The following GPATCH2 variants were observed in gnomAD, a reference collection of about 807,000 sequenced individuals.
The protein encoded by GPATCH2 is G-patch domain containing 2.
GPATCH2 carries 51 observed loss-of-function variants against 58.0 expected under a neutral mutation model. That is an observed-to-expected ratio of 0.88 (90% CI 0.70 to 1.11). GPATCH2 has a LOEUF of 1.11. Ranked by LOEUF, GPATCH2 falls within the 50% of genes most tolerant of loss-of-function variation. GPATCH2 has a pLI of 0.00. For missense variants in GPATCH2, 625 were observed against 652.2 expected (o/e 0.96, Z 0.45); for synonymous variants, 222 against 218.5 (o/e 1.02, Z -0.14).
intron 9 of GPATCH2, among the ~76,000 whole-genome samples, chr1:217,445,917 A>C (rs888486853): frequency 6.6e-6 from 1 of 152,168 alleles, no homozygotes; most frequent in African/African-American, 2.4e-5. Context: ...TTAATTTCAT[A>C]GGAGGCTTTA....
chr1:217,456,282 A>G (rs971841321), intron 8 of GPATCH2, among the ~76,000 whole-genome samples: 1 of 152,162 alleles, frequency 6.6e-6, no homozygotes, highest in African/African-American at 2.4e-5. Context: ...CTGTGGGGCC[A>G]GAGCCCCAAA....
intron 5 of GPATCH2, among the ~76,000 whole-genome samples, chr1:217,582,486 A>G (rs1667122125): frequency 6.6e-6 from 1 of 152,124 alleles, no homozygotes; most frequent in African/African-American, 2.4e-5. Flanking sequence ...AAATAATATC[A>G]TATTATAAAA....
At chr1:217,570,343 C>A (rs1666474125) in intron 5 of GPATCH2, among the ~76,000 whole-genome samples, 1 of 152,040 alleles carries the variant, frequency 6.6e-6, no homozygotes, top group Admixed American at 6.6e-5. Context: ...GAATTCCTGA[C>A]CGCAAGTGAT....
At chr1:217,488,875 T>G (rs1366923602) in intron 8 of GPATCH2, among the ~76,000 whole-genome samples, 1 of 149,228 alleles carries the variant, frequency 6.7e-6, no homozygotes, top group Non-Finnish European at 1.5e-5. Context: ...TTTTTTTTTT[T>G]GTAGAGACAG....
chr1:217,600,339 G>C (rs1386271258), intron 5 of GPATCH2, among the ~76,000 whole-genome samples: 4 of 152,050 alleles, frequency 2.6e-5, no homozygotes, highest in Non-Finnish European at 5.9e-5. Context: ...CAAATAACTG[G>C]TTGGCATCCT....
intron 8 of GPATCH2, among the ~76,000 whole-genome samples, chr1:217,460,124 C>A (rs1330632808): frequency 6.6e-6 from 1 of 152,052 alleles, no homozygotes; most frequent in Non-Finnish European, 1.5e-5. Flanking sequence ...AGGTATTATG[C>A]CAGTAATTTT....
In GPATCH2 at chr1:217,609,689, T is replaced by C. The variant is rs1172137247; in HGVS notation, c.1098+632A>G. 6 of 970,244 alleles carry C rather than the reference T, an allele frequency of 6.2e-6. No homozygotes were observed. The African/African-American group carries it at 8.8e-5, about 14-fold the overall frequency. 60.1% of individuals were successfully genotyped at this position (970,244 alleles called of 1,614,324 possible). ...CAAATATTTTAAATAATGCTGGTTATATAAGACTTCTCTAAAAATGAACCA... is the reference window on the plus strand; with the variant it reads ...CAAATATTTTAAATAATGCTGGTTACATAAGACTTCTCTAAAAATGAACCA... On this transcript the variant is annotated intron_variant, in intron 5 of 9. Transcript: ENST00000366935.
chr1:217,451,111 G>A (rs115795140), intron 8 of GPATCH2, among the ~76,000 whole-genome samples: 2,459 of 152,200 alleles, frequency 0.016, 75 homozygotes, highest in African/African-American at 0.056. Context: ...GAAATCATTA[G>A]GTACAGTGGT....
chr1:217,508,009 A>C (rs889357153), intron 6 of GPATCH2, among the ~76,000 whole-genome samples: 2 of 152,142 alleles, frequency 1.3e-5, no homozygotes, highest in East Asian at 3.8e-4. Flanking sequence ...CATTATCATC[A>C]TTTTGAAATG....
chr1:217,596,759 C>T (rs1179999330), intron 5 of GPATCH2, among the ~76,000 whole-genome samples: 1 of 152,100 alleles, frequency 6.6e-6, no homozygotes, highest in African/African-American at 2.4e-5. Flanking sequence ...GTCACAGAAG[C>T]TCTATTTGTA....
chr1:217,509,073 C>T (rs551894045), intron 6 of GPATCH2, among the ~76,000 whole-genome samples: 59 of 152,182 alleles, frequency 3.9e-4, no homozygotes, highest in Non-Finnish European at 7.2e-4. Flanking sequence ...GGAGTGGTGG[C>T]GCACGCCCAT....
At chr1:217,612,539 T>A (rs949277749) in intron 3 of GPATCH2, among the ~76,000 whole-genome samples, 21 of 152,074 alleles carry the variant, frequency 1.4e-4, no homozygotes, top group Non-Finnish European at 2.6e-4. Flanking sequence ...ATTAAAAAAA[T>A]TTTTCAAAAC....
At chr1:217,511,566 G>A (rs1048360984) in intron 6 of GPATCH2, among the ~76,000 whole-genome samples, 7 of 152,254 alleles carry the variant, frequency 4.6e-5, no homozygotes, top group Admixed American at 4.6e-4. Context: ...TGAAAGAAGG[G>A]TAACAGGCAG....
rs1467556007 is a variant in GPATCH2 at position 217,427,478 on chromosome 1, A to G, written c.*3667T>C. Reference sequence around the variant, plus strand: ...CTTTCAACTTTTAAAAAATAACTCTAAGGTAAAAGGGAAACATTTAAAGCA... The same window carrying G: ...CTTTCAACTTTTAAAAAATAACTCTGAGGTAAAAGGGAAACATTTAAAGCA... On this transcript the variant is annotated 3_prime_UTR_variant, in exon 10 of 10. Coordinates refer to ENST00000366935, the MANE Select transcript of GPATCH2 (RefSeq NM_018040.5). The G allele has an allele frequency of 6.6e-6, 1 of 152,164 alleles. No homozygotes were observed. Among genetic ancestry groups the G allele is most frequent in the African/African-American group, 2.4e-5 (1 of 41,444 alleles). 9.4% of individuals were successfully genotyped at this position (152,164 alleles called of 1,614,324 possible).
At chr1:217,525,137 A>G (rs974461665) in intron 5 of GPATCH2, among the ~76,000 whole-genome samples, 2 of 151,800 alleles carry the variant, frequency 1.3e-5, no homozygotes, top group Non-Finnish European at 2.9e-5. Context: ...AAAGGTGACT[A>G]CATTTATTTT....
At chr1:217,546,238 T>C (rs1323630126) in intron 5 of GPATCH2, among the ~76,000 whole-genome samples, 1 of 152,186 alleles carries the variant, frequency 6.6e-6, no homozygotes, top group Non-Finnish European at 1.5e-5. Context: ...ATTTATAGAT[T>C]AAATGCTATT....
At chr1:217,481,731 C>T (rs954035012) in intron 8 of GPATCH2, among the ~76,000 whole-genome samples, 3 of 152,068 alleles carry the variant, frequency 2.0e-5, no homozygotes, top group African/African-American at 7.2e-5. Flanking sequence ...GTAGTGGATG[C>T]CTACAGTCCC....
intron 8 of GPATCH2, among the ~76,000 whole-genome samples, chr1:217,480,352 C>T (rs1370219772): frequency 6.6e-6 from 1 of 152,016 alleles, no homozygotes; most frequent in Non-Finnish European, 1.5e-5. Context: ...AGACATTTCT[C>T]AAAAGAAGAC....
At chr1:217,549,573 C>T (rs964253719) in intron 5 of GPATCH2, among the ~76,000 whole-genome samples, 7 of 152,128 alleles carry the variant, frequency 4.6e-5, no homozygotes, top group Non-Finnish European at 1.0e-4. Context: ...TTACATCTCA[C>T]AGAAGACCAT....
Sources: gnomAD v4.1 joint callset for allele counts (sites outside exome capture counted in the v4.1 genomes callset) on GRCh38, gnomAD v4.1.1 for gene constraint, MANE v1.5 for transcripts, NCBI Gene and HGNC (gene_info 2026-07-23, HGNC 2026-07-21) for gene names.